PCDH9: variants seen among roughly 807,000 people sequenced by gnomAD.
PCDH9 encodes protocadherin 9.
PCDH9 carries 24 observed loss-of-function variants against 70.6 expected under a neutral mutation model. The observed-to-expected ratio is 0.34, with a 90% CI of 0.25 to 0.48. The LOEUF is 0.48. Ranked by LOEUF, PCDH9 falls within the 20% of genes least tolerant of loss-of-function variation. The pLI is 0.99. For synonymous variants in PCDH9, 562 were observed against 558.5 expected, an observed-to-expected ratio of 1.01 and a Z score of -0.09; for missense variants, 1,281 against 1,503.6, an observed-to-expected ratio of 0.85 and a Z score of 2.45.
At chr13:67,035,484 T>G (rs556227359) in intron 2 of PCDH9, among the ~76,000 whole-genome samples, 1 of 151,868 alleles carries the variant, frequency 6.6e-6, no homozygotes, top group South Asian at 2.1e-4. Context: ...TCTCTTACTT[T>G]GTGAGTCTTT....
intron 4 of PCDH9, among the ~76,000 whole-genome samples, chr13:66,510,414 G>A (rs1404477816): frequency 6.6e-6 from 1 of 151,844 alleles, no homozygotes. Context: ...ACAACGTGCA[G>A]GTTTGTTACA....
chr13:66,509,094 G>A (rs994124152), intron 4 of PCDH9, among the ~76,000 whole-genome samples: 7 of 152,202 alleles, frequency 4.6e-5, no homozygotes, highest in African/African-American at 9.6e-5. Context: ...TGATTCTCAC[G>A]GGCATACACT....
At chr13:67,114,576 C>T (rs1481566386) in intron 2 of PCDH9, among the ~76,000 whole-genome samples, 2 of 152,024 alleles carry the variant, frequency 1.3e-5, no homozygotes, top group African/African-American at 2.4e-5. Context: ...TTCCAAACAC[C>T]TTTACACCAA....
chr13:66,779,584 A>G (rs1172776043), intron 3 of PCDH9, among the ~76,000 whole-genome samples: 2 of 152,066 alleles, frequency 1.3e-5, no homozygotes, highest in Non-Finnish European at 2.9e-5. Context: ...GCACTTTGGG[A>G]GGCGGAGGCA....
intron 3 of PCDH9, among the ~76,000 whole-genome samples, chr13:66,675,662 G>A (rs2078232874): frequency 1.3e-5 from 2 of 152,098 alleles, no homozygotes; most frequent in Non-Finnish European, 2.9e-5. Flanking sequence ...TCATAATGAT[G>A]TCTGCCTTGT....
chr13:66,771,311 CT>C (rs971774191), intron 3 of PCDH9, among the ~76,000 whole-genome samples: 8 of 152,140 alleles, frequency 5.3e-5, no homozygotes, highest in Non-Finnish European at 1.2e-4. Context: ...ATATGTTTCA[CT>C]TTTCTTTTTC....
chr13:66,346,316 C>T (rs1309668801), intron 4 of PCDH9, among the ~76,000 whole-genome samples: 3 of 152,248 alleles, frequency 2.0e-5, no homozygotes, highest in Admixed American at 6.5e-5. Context: ...TCTTCCATGA[C>T]GAGCACACAA....
chr13:66,747,343 G>A (rs1286516745), intron 3 of PCDH9, among the ~76,000 whole-genome samples: 5 of 151,286 alleles, frequency 3.3e-5, no homozygotes, highest in South Asian at 4.2e-4. Context: ...AGTGCGAGAC[G>A]CCATCTCAAA....
chr13:66,894,979 T>C (rs529371354), intron 3 of PCDH9, among the ~76,000 whole-genome samples: 1 of 152,172 alleles, frequency 6.6e-6, no homozygotes, highest in Non-Finnish European at 1.5e-5. Flanking sequence ...GATGAATTTT[T>C]CTATTTTTAG....
chr13:66,713,348 T>C lies in PCDH9; in HGVS notation c.3139-81937A>G, dbSNP rs543143471. 4.3e-4 allele frequency among the ~76,000 whole-genome samples: 66 copies of C among 152,060 alleles called. 1 individual carries two copies. The highest frequency in any genetic ancestry group is 1.4e-3 in the African/African-American group (59 of 41,522). ...TTTTAAATAAAAATATTAAAATGATTGCTGTCTTAGGAAAATAAAATTCAA... is the reference window on the plus strand; with the variant it reads ...TTTTAAATAAAAATATTAAAATGATCGCTGTCTTAGGAAAATAAAATTCAA... On this transcript the variant is annotated intron_variant, in intron 3 of 4. Transcript: ENST00000377865.
chr13:67,080,027 A>G (rs1252815705), intron 2 of PCDH9, among the ~76,000 whole-genome samples: 1 of 152,140 alleles, frequency 6.6e-6, no homozygotes, highest in Non-Finnish European at 1.5e-5. Context: ...CCTCATAATG[A>G]TTTAGATTTT....
intron 3 of PCDH9, among the ~76,000 whole-genome samples, chr13:66,794,215 G>C (rs1253919476): frequency 6.6e-6 from 1 of 151,838 alleles, no homozygotes; most frequent in African/African-American, 2.4e-5. Flanking sequence ...GAGATGACAG[G>C]CATCTGGGTC....
chr13:67,112,414 C>A (rs768012749), intron 2 of PCDH9, among the ~76,000 whole-genome samples: 3 of 152,152 alleles, frequency 2.0e-5, no homozygotes, highest in Non-Finnish European at 2.9e-5. Flanking sequence ...TTATCCTGAA[C>A]AGATACATTC....
chr13:67,020,346 A>C (rs2084651355), intron 2 of PCDH9, among the ~76,000 whole-genome samples: 1 of 152,200 alleles, frequency 6.6e-6, no homozygotes, highest in African/African-American at 2.4e-5. Context: ...CATTAAATAA[A>C]ATCTGCAGTA....
intron 4 of PCDH9, among the ~76,000 whole-genome samples, chr13:66,389,478 G>T (rs190689647): frequency 6.6e-6 from 1 of 152,164 alleles, no homozygotes; most frequent in Admixed American, 6.5e-5. Flanking sequence ...TCTCAAACAC[G>T]GTTTAATTTT....
chr13:66,517,014 ACAATGG>A (rs1959768742), intron 4 of PCDH9, among the ~76,000 whole-genome samples: 1 of 152,108 alleles, frequency 6.6e-6, no homozygotes, highest in Non-Finnish European at 1.5e-5. Context: ...CTTTCCTGCT[ACAATGG>A]CAAGATTGAG....
intron 4 of PCDH9, among the ~76,000 whole-genome samples, chr13:66,434,418 T>C (rs1227184831): frequency 1.3e-5 from 2 of 152,014 alleles, no homozygotes; most frequent in African/African-American, 4.8e-5. Context: ...AGCTGTGCAT[T>C]TCTTGGGCTA....
At chr13:66,407,488 G>A (rs191872027) in intron 4 of PCDH9, among the ~76,000 whole-genome samples, 24 of 152,264 alleles carry the variant, frequency 1.6e-4, no homozygotes, top group Admixed American at 6.5e-4. Context: ...AGTCATGGGG[G>A]AGTCCTGAGG....
At chr13:67,179,449 C>A (rs925840251) in intron 2 of PCDH9, among the ~76,000 whole-genome samples, 12 of 152,116 alleles carry the variant, frequency 7.9e-5, no homozygotes, top group Admixed American at 2.6e-4. Context: ...TCAGCCAATA[C>A]ATATTCCGTA....
Sources: gnomAD v4.1 joint callset for allele counts (sites outside exome capture counted in the v4.1 genomes callset) on GRCh38, gnomAD v4.1.1 for gene constraint, MANE v1.5 for transcripts, NCBI Gene and HGNC (gene_info 2026-07-23, HGNC 2026-07-21) for gene names.